The following RARB variants were observed in gnomAD, a reference collection of about 807,000 sequenced individuals.
RARB encodes retinoic acid receptor beta.
Under a neutral mutation model 51.9 loss-of-function variants are expected in RARB, and 17 were observed. The ratio of observed to expected loss-of-function variants is 0.33; its 90% CI spans 0.22 to 0.49. The LOEUF is 0.49. Ranked by LOEUF, RARB falls within the 20% of genes least tolerant of loss-of-function variation. The pLI is 0.99. For missense variants in RARB, 369 were observed against 550.8 expected (o/e 0.67, Z 3.30); for synonymous variants, 215 against 195.4 (o/e 1.10, Z -0.84).
chr3:24,954,843 G>C (rs552360820), intron 2 of RARB, among the ~76,000 whole-genome samples: 30 of 152,300 alleles, frequency 2.0e-4, no homozygotes, highest in Non-Finnish European at 5.9e-5. Flanking sequence ...CTGGCTGCCA[G>C]GAGCTCAAAC....
intron 4 of RARB, among the ~76,000 whole-genome samples, chr3:25,143,086 C>T (rs1027771872): frequency 2.0e-5 from 3 of 152,118 alleles, no homozygotes; most frequent in African/African-American, 7.2e-5. Flanking sequence ...CCTGGAGTAT[C>T]CAGTGATACC....
chr3:25,307,786 T>C (rs995566640), intron 5 of RARB, among the ~76,000 whole-genome samples: 2 of 152,322 alleles, frequency 1.3e-5, no homozygotes, highest in Non-Finnish European at 2.9e-5. Context: ...CTGGAATCTT[T>C]CTCAGTGTCT....
intron 5 of RARB, among the ~76,000 whole-genome samples, chr3:25,272,543 A>G (rs577686826): frequency 1.3e-5 from 2 of 152,312 alleles, no homozygotes; most frequent in East Asian, 1.9e-4. Flanking sequence ...GTAATTCTCA[A>G]CTACATATTA....
At chr3:25,047,251 C>G (rs1489221356) in intron 2 of RARB, among the ~76,000 whole-genome samples, 1 of 152,004 alleles carries the variant, frequency 6.6e-6, no homozygotes, top group East Asian at 1.9e-4. Flanking sequence ...ATTAGAATGG[C>G]AAATGGTGAC....
chr3:25,158,731 A>G (rs766225603), intron 4 of RARB, among the ~76,000 whole-genome samples: 6 of 152,232 alleles, frequency 3.9e-5, no homozygotes, highest in Admixed American at 6.5e-5. Context: ...CAGCAACTAA[A>G]TACAATAAAG....
At chr3:25,488,238 T>C (rs968919053) in intron 2 of RARB, among the ~76,000 whole-genome samples, 16 of 152,218 alleles carry the variant, frequency 1.1e-4, no homozygotes, top group African/African-American at 3.9e-4. Flanking sequence ...CTCCTAATTA[T>C]TCATTTGAGA....
At chr3:24,839,507 C>T (rs1702390717) in intron 1 of RARB, among the ~76,000 whole-genome samples, 1 of 149,834 alleles carries the variant, frequency 6.7e-6, no homozygotes, top group Non-Finnish European at 1.5e-5. Flanking sequence ...CGAGACCAGC[C>T]TGGGCAACAC....
intron 2 of RARB, among the ~76,000 whole-genome samples, chr3:24,935,655 G>A (rs958451406): frequency 6.6e-6 from 1 of 152,196 alleles, no homozygotes; most frequent in African/African-American, 2.4e-5. Flanking sequence ...ACTGCCATAT[G>A]TTAGAGTAAG....
intron 5 of RARB, among the ~76,000 whole-genome samples, chr3:25,313,706 C>T (rs1280633361): frequency 1.3e-5 from 2 of 152,052 alleles, no homozygotes; most frequent in Non-Finnish European, 2.9e-5. Flanking sequence ...ATTTGGGGGC[C>T]ATCTTTAGTC....
intron 1 of RARB, among the ~76,000 whole-genome samples, chr3:24,856,353 A>G (rs1317039135): frequency 6.6e-6 from 1 of 152,158 alleles, no homozygotes; most frequent in African/African-American, 2.4e-5. Context: ...AATCAATAGT[A>G]TTAAGGACTA....
rs1413873531 is a variant in RARB at position 25,597,207 on chromosome 3, G to GTCT, written c.*593_*595dup. 6.6e-6 allele frequency: 1 copy of GTCT among 152,632 alleles called. No individual in the cohort carries two copies. Among genetic ancestry groups the GTCT allele is most frequent in the African/African-American group, 2.4e-5 (1 of 41,456 alleles). The allele number at this position is 152,632 out of a possible 1,614,324, so 9.5% of individuals were successfully genotyped here. A position where few individuals can be genotyped will look rare whatever the true frequency, so the allele number is the denominator to read the frequency against. The stretch of plus-strand genomic sequence containing the variant: ...TCTACTTTAGTTAGTATGGAAGCTT[G>GTCT]TCTTTGCTCTTTCTGATGCTCTCAA... On this transcript the variant is annotated 3_prime_UTR_variant, in exon 8 of 8. Coordinates refer to ENST00000330688, the MANE Select transcript of RARB (RefSeq NM_000965.5).
At chr3:25,413,441 T>C (rs978072524) in intron 5 of RARB, among the ~76,000 whole-genome samples, 2 of 152,244 alleles carry the variant, frequency 1.3e-5, no homozygotes, top group African/African-American at 4.8e-5. Context: ...TTATGTTTTT[T>C]GTATATGCCT....
At chr3:24,975,600 ACTTAACTAGT>A (rs993198409) in intron 2 of RARB, among the ~76,000 whole-genome samples, 1 of 152,014 alleles carries the variant, frequency 6.6e-6, no homozygotes, top group African/African-American at 2.4e-5. Context: ...GAAAGGAAAG[ACTTAACTAGT>A]TGGTTCTATC....
rs1259115583 is a variant in RARB at position 24,973,140 on chromosome 3, A to G, written c.-379-86985A>G. Among the ~76,000 whole-genome samples the G allele has an allele frequency of 3.9e-5, 6 of 151,920 alleles. No individual in the cohort carries two copies. The South Asian group carries it at 1.2e-3, about 32-fold the overall frequency. On this transcript the variant is annotated intron_variant, in intron 2 of 11. Coordinates refer to the RARB transcript ENST00000383772. The stretch of plus-strand genomic sequence containing the variant: ...AGATTTAAGTGTTCAATCCATTTTT[A>G]TTTGATTTTTGTGTATAGTGAGAGA...
chr3:25,223,294 T>C lies in RARB; in HGVS notation c.178+48719T>C, dbSNP rs963826675. ...CTTCTTTCATATGGCATCTGTGTTG[T>C]TGTATGTATTCATATTATGTTCGCT... On this transcript the variant is annotated intron_variant, in intron 5 of 11. Coordinates refer to the RARB transcript ENST00000383772. Among the ~76,000 whole-genome samples the C allele has an allele frequency of 2.1e-4, 32 of 151,056 alleles. 1 individual carries two copies.
chr3:25,451,489 T>A (rs1206546945), intron 1 of RARB, among the ~76,000 whole-genome samples: 2 of 152,202 alleles, frequency 1.3e-5, no homozygotes, highest in Non-Finnish European at 2.9e-5. Context: ...GTTTCAAAGT[T>A]ATTTTGAGGC....
chr3:25,403,130 T>G (rs369262467), intron 5 of RARB, among the ~76,000 whole-genome samples: 5 of 139,682 alleles, frequency 3.6e-5, no homozygotes, highest in African/African-American at 1.4e-4. Context: ...GCCACTGCAC[T>G]CCAGCCTGAG....
intron 5 of RARB, among the ~76,000 whole-genome samples, chr3:25,301,956 C>A (rs1467334395): frequency 1.3e-5 from 2 of 152,130 alleles, no homozygotes; most frequent in Non-Finnish European, 2.9e-5. Flanking sequence ...GACAGTGGCC[C>A]ACAGGAGTGA....
chr3:24,938,783 A>G (rs576634926), intron 2 of RARB, among the ~76,000 whole-genome samples: 9 of 152,236 alleles, frequency 5.9e-5, no homozygotes, highest in African/African-American at 1.9e-4. Context: ...GAATTTGCCT[A>G]TTCTAAGTAC....
Sources: gnomAD v4.1 joint callset for allele counts (sites outside exome capture counted in the v4.1 genomes callset) on GRCh38, gnomAD v4.1.1 for gene constraint, MANE v1.5 for transcripts, NCBI Gene and HGNC (gene_info 2026-07-23, HGNC 2026-07-21) for gene names.